AKIRIN1: variants seen among roughly 807,000 people sequenced by gnomAD.
AKIRIN1 encodes the protein akirin-1.
A neutral mutation model predicts 25.9 loss-of-function variants in AKIRIN1; 4 were observed. That is an observed-to-expected ratio of 0.15 (90% CI 0.08 to 0.35). The LOEUF (loss-of-function observed/expected upper bound fraction) is 0.35. AKIRIN1 is among the 10% of genes least tolerant of loss of function. The pLI is 1.00. For synonymous variants in AKIRIN1, 125 were observed against 105.1 expected (o/e 1.19, Z -1.16); for missense variants, 243 against 266.1 (o/e 0.91, Z 0.61).
chr1:39,004,073 G>C lies in AKIRIN1; in HGVS notation c.*18G>C. On this transcript the variant is annotated 3_prime_UTR_variant, in exon 5 of 5. Transcript: ENST00000432648. ...TGTCATGAAGCTTTGTCACATATCTGGGTACCAGGTTTGACCTCAAGAGAT... is the reference window on the plus strand; with the variant it reads ...TGTCATGAAGCTTTGTCACATATCTCGGTACCAGGTTTGACCTCAAGAGAT... The C allele has an allele frequency of 6.2e-7, 1 of 1,610,846 alleles. No individual in the cohort carries two copies. Among genetic ancestry groups the C allele is most frequent in the Non-Finnish European group, 8.5e-7 (1 of 1,177,186 alleles).
intron 1 of AKIRIN1, among the ~76,000 whole-genome samples, chr1:38,994,456 G>A (rs1181667035): frequency 6.6e-6 from 1 of 152,150 alleles, no homozygotes; most frequent in Non-Finnish European, 1.5e-5. Flanking sequence ...AACTGATTAT[G>A]ACTTGAGAGT....
At chr1:39,000,904 C>T in intron 2 of AKIRIN1, 68 bp from the exon 3 acceptor site, 2 of 1,503,592 alleles carry the variant, frequency 1.3e-6, no homozygotes, top group Non-Finnish European at 1.8e-6. Flanking sequence ...GCCTTGGCCT[C>T]CCAAAGTGCT....
At chr1:38,993,529 G>C (rs1482107845) in intron 1 of AKIRIN1, among the ~76,000 whole-genome samples, 2 of 151,764 alleles carry the variant, frequency 1.3e-5, no homozygotes, top group Non-Finnish European at 2.9e-5. Context: ...TACTAGGGAA[G>C]CTGAGGCAGG....
In AKIRIN1 at chr1:38,991,455, G is replaced by A; in HGVS notation, c.75G>A (p.Arg25=). The A allele has an allele frequency of 7.3e-7, 1 of 1,378,176 alleles. No homozygotes were observed. The highest frequency in any genetic ancestry group is 1.6e-5 in the South Asian group (1 of 61,262). The allele number at this position is 1,378,176 out of a possible 1,614,324, so 85.4% of individuals were successfully genotyped here. ...TGCTGAGCCCCGGCTCCCCGAAGCG[G>A]CGGCGCTGCGCCCCTCTGCCCGGCC... The part of the protein sequence containing the change: ...AALLSPGSPK[R]RRCAPLPGPT... The change falls in exon 1 of 5, where the codon CGG becomes CGA. Residue 25 remains arginine, a synonymous_variant. Transcript: ENST00000432648.
In AKIRIN1 at chr1:38,995,106, C is replaced by T. The variant is rs184690314; in HGVS notation, c.221-3065C>T. ...TCGGCCTCCCAAAGTGCTGGGATTG[C>T]ATGAGCCACTGCGCCTGGCTAGCTG... On this transcript the variant is annotated intron_variant, in intron 1 of 4. Coordinates refer to ENST00000432648, the MANE Select transcript of AKIRIN1 (RefSeq NM_024595.3). Among the ~76,000 whole-genome samples the T allele has an allele frequency of 1.2e-3, 181 of 152,266 alleles. 1 individual carries two copies. The highest frequency in any genetic ancestry group is 4.0e-3 in the African/African-American group (167 of 41,560).
In AKIRIN1 at chr1:38,991,458, G is replaced by A. The variant is rs980233047; in HGVS notation, c.78G>A (p.Arg26=). ...ALLSPGSPKR[R]RCAPLPGPTP... ...TGAGCCCCGGCTCCCCGAAGCGGCG[G>A]CGCTGCGCCCCTCTGCCCGGCCCCA... The change falls in exon 1 of 5, where the codon CGG becomes CGA. Residue 26 remains arginine (R), a synonymous_variant. Transcript: ENST00000432648. 2 of 1,386,024 alleles carry A rather than the reference G, an allele frequency of 1.4e-6. No individual in the cohort carries two copies. The highest frequency in any genetic ancestry group is 1.5e-5 in the African/African-American group (1 of 66,016). The allele number at this position is 1,386,024 out of a possible 1,614,324, so 85.9% of individuals were successfully genotyped here.
At chr1:38,993,533 AGG>A (rs1643924681) in intron 1 of AKIRIN1, among the ~76,000 whole-genome samples, 9 of 151,470 alleles carry the variant, frequency 5.9e-5, no homozygotes, top group African/African-American at 2.2e-4. Flanking sequence ...AGGGAAGCTG[AGG>A]CAGGAGAATC....
At chr1:39,003,515 T>A in intron 4 of AKIRIN1, 97 bp downstream of exon 4, 1 of 1,128,144 alleles carries the variant, frequency 8.9e-7, no homozygotes, top group Non-Finnish European at 1.3e-6. Flanking sequence ...CCCTGTGAAG[T>A]AAAATGTGCC....
chr1:38,991,498 C>T lies in AKIRIN1; in HGVS notation c.118C>T (p.Pro40Ser), dbSNP rs913153353. The change falls in exon 1 of 5, where the codon CCC becomes TCC. Residue 40 changes from proline to serine, a missense_variant. By Grantham distance (74) the Pro-to-Ser change is moderately conservative. This residue lies in a region of AKIRIN1 where 190 missense variants were observed against 174.4 expected (regional missense o/e 1.09). Transcript: ENST00000432648. ...PLPGPTPGLR[P>S]PDAEPPPPFQ... ...GCCCGGCCCCACTCCGGGCCTCAGGCCCCCGGACGCCGAGCCGCCGCCGCC... is the reference window on the plus strand; with the variant it reads ...GCCCGGCCCCACTCCGGGCCTCAGGTCCCCGGACGCCGAGCCGCCGCCGCC... 6.9e-7 allele frequency: 1 copy of T among 1,449,208 alleles called. No homozygotes were observed. Among genetic ancestry groups the T allele is most frequent in the Non-Finnish European group, 9.0e-7 (1 of 1,105,530 alleles). The allele number at this position is 1,449,208 out of a possible 1,614,324, so 89.8% of individuals were successfully genotyped here.
intron 2 of AKIRIN1, among the ~76,000 whole-genome samples, chr1:38,999,887 T>TC (rs1433293638): frequency 6.6e-6 from 1 of 151,906 alleles, no homozygotes; most frequent in East Asian, 1.9e-4. Context: ...TTTTGTTTTT[T>TC]GTTTTTTTGG....
chr1:38,994,672 A>ATTTTTT lies in AKIRIN1; in HGVS notation c.220+3101_220+3106dup, dbSNP rs10528399. ...AGGCATGTGTCACTACGCTCGGCTA[A>ATTTTTT]TTTTTTTTTTTTTTTTTTTTTTTTT... is the stretch of plus-strand genomic sequence containing the variant. On this transcript the variant is annotated intron_variant, in intron 1 of 4. Coordinates refer to ENST00000432648, the MANE Select transcript of AKIRIN1 (RefSeq NM_024595.3). 1.1e-3 allele frequency among the ~76,000 whole-genome samples: 68 copies of ATTTTTT among 63,548 alleles called. 2 individuals are homozygous for ATTTTTT. The highest frequency in any genetic ancestry group is 5.4e-3 in the East Asian group (7 of 1,296). 41.7% of individuals were successfully genotyped at this position (63,548 alleles called of 152,430 possible).
chr1:38,995,019 CA>C (rs1643937265), intron 1 of AKIRIN1, among the ~76,000 whole-genome samples: 1 of 151,832 alleles, frequency 6.6e-6, no homozygotes, highest in African/African-American at 2.4e-5. Flanking sequence ...TTTGTCAAGA[CA>C]GGGTTTCACT....
chr1:39,002,191 G>A (rs931220827), intron 3 of AKIRIN1, among the ~76,000 whole-genome samples: 1 of 152,182 alleles, frequency 6.6e-6, no homozygotes, highest in Admixed American at 6.5e-5. Flanking sequence ...CTGTTGCTTA[G>A]GGTGACAGTG....
chr1:39,001,036 G>A lies in AKIRIN1; in HGVS notation c.426G>A (p.Glu142=). 1 of 1,614,008 alleles carries A rather than the reference G, an allele frequency of 6.2e-7. No individual in the cohort carries two copies. The highest frequency in any genetic ancestry group is 8.5e-7 in the Non-Finnish European group (1 of 1,179,970). Residue 142 remains glutamate (E), a synonymous_variant, in exon 3 of 5, where the codon GAG becomes GAA. Coordinates refer to ENST00000432648, the MANE Select transcript of AKIRIN1 (RefSeq NM_024595.3). ...TCCGACAAGTTGGCATAATATGTGA[G>A]CGCCTCTTAAAAGACTATGAAGATA... ...FTLRQVGIIC[E]RLLKDYEDKI... is the part of the protein sequence containing the mutation.
rs994185484 is a variant in AKIRIN1, at chr1:39,005,758, C to G, written c.*1703C>G. The G allele has an allele frequency of 1.3e-5, 2 of 152,106 alleles. No homozygotes were observed. The highest frequency in any genetic ancestry group is 2.9e-5 in the Non-Finnish European group (2 of 68,014). 9.4% of individuals were successfully genotyped at this position (152,106 alleles called of 1,614,324 possible). A position where few individuals can be genotyped will look rare whatever the true frequency, so the allele number is the denominator to read the frequency against. Reference sequence around the variant, plus strand: ...GAGAAATTTCTGGAATATTCACATTCGAAGATTCCTTATTAATGAATGTCT... The same window carrying G: ...GAGAAATTTCTGGAATATTCACATTGGAAGATTCCTTATTAATGAATGTCT... On this transcript the variant is annotated 3_prime_UTR_variant, in exon 5 of 5. Coordinates refer to ENST00000432648, the MANE Select transcript of AKIRIN1 (RefSeq NM_024595.3).
intron 1 of AKIRIN1, among the ~76,000 whole-genome samples, chr1:38,993,636 A>C (rs1390700502): frequency 6.6e-6 from 1 of 150,734 alleles, no homozygotes; most frequent in Non-Finnish European, 1.5e-5. Flanking sequence ...CATCTCAAAA[A>C]AAAAAAAAAA....
intron 2 of AKIRIN1, 106 bp downstream of exon 2, chr1:38,998,417 G>A (rs995647523): frequency 4.9e-6 from 6 of 1,235,978 alleles, no homozygotes; most frequent in Admixed American, 2.8e-5. Flanking sequence ...TTGCTAACGG[G>A]GATGTATTAA....
rs1221137407 is a variant in AKIRIN1 at position 38,991,338 on chromosome 1, A to G, written c.-43A>G. On this transcript the variant is annotated 5_prime_UTR_variant, in exon 1 of 5. Coordinates refer to ENST00000432648, the MANE Select transcript of AKIRIN1 (RefSeq NM_024595.3). Reference sequence around the variant, plus strand: ...CCGGCTGAGGAGCCTCTTGGGCCGCACTTACCGCCGCGTCCGCTCCCGGTC... The same window carrying G: ...CCGGCTGAGGAGCCTCTTGGGCCGCGCTTACCGCCGCGTCCGCTCCCGGTC... 15 of 1,328,686 alleles carry G rather than the reference A, an allele frequency of 1.1e-5. No individual in the cohort carries two copies. Among genetic ancestry groups the G allele is most frequent in the South Asian group, 3.8e-5 (2 of 53,010 alleles). 82.3% of individuals were successfully genotyped at this position (1,328,686 alleles called of 1,614,324 possible).
intron 1 of AKIRIN1, among the ~76,000 whole-genome samples, chr1:38,991,941 C>T (rs184598272): frequency 1.4e-5 from 2 of 147,184 alleles, no homozygotes; most frequent in East Asian, 4.1e-4. Flanking sequence ...CCGAGCAACC[C>T]TGCAGATCCA....
Sources: allele counts gnomAD v4.1 joint callset (sites outside exome capture counted in the v4.1 genomes callset), GRCh38; gene constraint gnomAD v4.1.1; regional missense constraint gnomAD v4.1.1; transcripts MANE v1.5; gene names NCBI Gene and HGNC (gene_info 2026-07-23, HGNC 2026-07-21).